The following NADSYN1 variants were observed in gnomAD, a reference collection of about 807,000 sequenced individuals.
NADSYN1 encodes the protein glutamine-dependent NAD(+) synthetase.
Under a neutral mutation model 99.3 loss-of-function variants are expected in NADSYN1, and 80 were observed. The observed-to-expected ratio is 0.81, with a 90% confidence interval of 0.67 to 0.97. The LOEUF (loss-of-function observed/expected upper bound fraction) is 0.97. Among genes scored for constraint, NADSYN1 ranks in the 50% least tolerant of loss-of-function variants. The probability of loss-of-function intolerance (pLI) is 0.00; values close to 1 mark genes in which losing one functional copy is unlikely to be tolerated. For synonymous variants in NADSYN1, 385 were observed against 372.1 expected (o/e 1.03, Z -0.40); for missense variants, 859 against 948.5 (o/e 0.91, Z 1.24).
At chr11:71,487,531 T>C (rs1949750133) in intron 16 of NADSYN1, among the ~76,000 whole-genome samples, 1 of 152,128 alleles carries the variant, frequency 6.6e-6, no homozygotes, top group Non-Finnish European at 1.5e-5. Flanking sequence ...CTAGATGCCA[T>C]TTAGAAAATA....
At chr11:71,500,286 C>T (rs1022443092) in intron 20 of NADSYN1, among the ~76,000 whole-genome samples, 6 of 152,304 alleles carry the variant, frequency 3.9e-5, no homozygotes, top group Admixed American at 2.6e-4. Context: ...CACAAGATGC[C>T]GCTTTATACC....
rs1949772341 is a variant in NADSYN1 at position 71,490,640 on chromosome 11, G to GTC, written c.1563-202_1563-201dup. Among the ~76,000 whole-genome samples, 8 of 152,276 alleles carry GTC rather than the reference G, an allele frequency of 5.3e-5. No individual in the cohort carries two copies. In the South Asian group the frequency reaches 1.7e-3, roughly 32 times the overall value. On this transcript the variant is annotated intron_variant, in intron 16 of 20. Transcript: ENST00000319023. The stretch of plus-strand genomic sequence containing the variant: ...CCGAAATCTGCCTGCCATCCCCGGC[G>GTC]TCTCCTCTGGTGCACTCAAAGGCCC...
chr11:71,454,874 A>C (rs554504940), intron 1 of NADSYN1, among the ~76,000 whole-genome samples: 31 of 148,904 alleles, frequency 2.1e-4, no homozygotes, highest in Admixed American at 1.8e-3. Flanking sequence ...GGTATATGCA[A>C]GTATAAGCAG....
chr11:71,477,966 A>T (rs1430650165), intron 9 of NADSYN1, among the ~76,000 whole-genome samples: 2 of 152,064 alleles, frequency 1.3e-5, no homozygotes, highest in African/African-American at 2.4e-5. Context: ...TGTCTTTTTG[A>T]TGAGAGGGGT....
At chr11:71,458,736 G>A (rs2120396580) in intron 3 of NADSYN1, 192 bp downstream of exon 3, 1 of 555,146 alleles carries the variant, frequency 1.8e-6, no homozygotes, top group East Asian at 3.0e-5. Flanking sequence ...CTGCAAGGAG[G>A]GAGCTCCTGA....
At chr11:71,478,567 C>A in intron 10 of NADSYN1, 98 bp downstream of exon 10, 1 of 1,113,534 alleles carries the variant, frequency 9.0e-7, no homozygotes, top group Non-Finnish European at 1.3e-6. Flanking sequence ...GGGTGCAGTG[C>A]CTGAAAAGTC....
intron 5 of NADSYN1, among the ~76,000 whole-genome samples, chr11:71,466,359 G>C (rs1354431649): frequency 1.3e-5 from 2 of 152,120 alleles, no homozygotes; most frequent in Admixed American, 1.3e-4. Context: ...CCTGTCCCCT[G>C]TCTCCCAGGC....
chr11:71,482,473 A>C (rs544239594), intron 13 of NADSYN1, among the ~76,000 whole-genome samples: 2 of 150,646 alleles, frequency 1.3e-5, no homozygotes, highest in African/African-American at 4.9e-5. Flanking sequence ...CCGTACGGGC[A>C]CCTGAGGGCT....
chr11:71,457,265 A>C (rs921910947), intron 2 of NADSYN1, among the ~76,000 whole-genome samples: 1 of 152,264 alleles, frequency 6.6e-6, no homozygotes, highest in African/African-American at 2.4e-5. Context: ...TGCCTTTTCT[A>C]TCTGAGAACT....
intron 6 of NADSYN1, 99 bp downstream of exon 6, chr11:71,472,599 T>C (rs2282619): frequency 0.9 from 1,034,732 of 1,143,520 alleles, 472,704 homozygotes; most frequent in Non-Finnish European, 0.95. Flanking sequence ...ATCCAGGTAA[T>C]GGAAGGCACC....
chr11:71,454,991 A>G (rs1949503488), intron 1 of NADSYN1, 119 bp from the exon 2 acceptor site: 2 of 704,240 alleles, frequency 2.8e-6, no homozygotes, highest in African/African-American at 2.0e-5. Context: ...GGCACAGAGC[A>G]TTTTTGTTTG....
At chr11:71,485,985 G>A (rs1387335786) in intron 16 of NADSYN1, among the ~76,000 whole-genome samples, 1 of 152,134 alleles carries the variant, frequency 6.6e-6, no homozygotes, top group Non-Finnish European at 1.5e-5. Context: ...TTTGCAGCTA[G>A]TTTTTACCTC....
At chr11:71,456,775 G>A (rs999761673) in intron 2 of NADSYN1, among the ~76,000 whole-genome samples, 4 of 152,212 alleles carry the variant, frequency 2.6e-5, no homozygotes, top group Admixed American at 1.3e-4. Flanking sequence ...AGGTCTCCAA[G>A]TAGCTTACAA....
rs577728798 is a variant in NADSYN1 at position 71,493,974 on chromosome 11, A to C, written c.1764+2071A>C. On this transcript the variant is annotated intron_variant, in intron 18 of 20. Transcript: ENST00000319023. Reference sequence around the variant, plus strand: ...TGGTGAAACCCTGTCTCTACCAAAAAAATACAAACAACAAAACAAACAAAA... The same window carrying C: ...TGGTGAAACCCTGTCTCTACCAAAACAATACAAACAACAAAACAAACAAAA... Among the ~76,000 whole-genome samples the C allele has an allele frequency of 3.3e-5, 5 of 152,376 alleles. No individual in the cohort carries two copies. In the South Asian group the frequency reaches 6.2e-4, roughly 19 times the overall value.
intron 9 of NADSYN1, chr11:71,477,097 C>T: frequency 1.7e-5 from 19 of 1,119,642 alleles, no homozygotes; most frequent in Non-Finnish European, 2.1e-5. Context: ...TCAGAGTCAC[C>T]CCTTCTGCCT....
intron 18 of NADSYN1, among the ~76,000 whole-genome samples, chr11:71,492,216 G>A (rs1335628478): frequency 1.3e-5 from 2 of 152,186 alleles, no homozygotes; most frequent in African/African-American, 4.8e-5. Flanking sequence ...AGCGATGTAG[G>A]AGGAGAATTG....
chr11:71,473,516 G>A (rs1200362039), intron 7 of NADSYN1, 53 bp from the exon 8 acceptor site: 6 of 1,559,176 alleles, frequency 3.8e-6, no homozygotes, highest in Non-Finnish European at 5.3e-6. Flanking sequence ...TGCCAGGGAG[G>A]CTGGTTTGGA....
chr11:71,497,500 A>T lies in NADSYN1; in HGVS notation c.1782A>T (p.Thr594=). The T allele has an allele frequency of 1.2e-6, 2 of 1,614,186 alleles. No individual in the cohort carries two copies. Among genetic ancestry groups the T allele is most frequent in the Non-Finnish European group, 1.7e-6 (2 of 1,180,034 alleles). Residue 594 remains threonine (T), a synonymous_variant, in exon 19 of 21, where the codon ACA becomes ACT. Coordinates refer to ENST00000319023, the MANE Select transcript of NADSYN1 (RefSeq NM_018161.5). ...GTGCACAGGAAGATATGGGGATGAC[A>T]TATGCGGAGCTCTCGGTCTATGGGA... ...SQTDEEDMGM[T]YAELSVYGKL...
At chr11:71,488,706 T>G (rs1565605964) in intron 16 of NADSYN1, among the ~76,000 whole-genome samples, 1 of 152,094 alleles carries the variant, frequency 6.6e-6, no homozygotes, top group Non-Finnish European at 1.5e-5. Flanking sequence ...TGGAGTGCAG[T>G]GGCACCGTCA....
Sources: allele counts gnomAD v4.1 joint callset (sites outside exome capture counted in the v4.1 genomes callset), GRCh38; gene constraint gnomAD v4.1.1; transcripts MANE v1.5; gene names NCBI Gene and HGNC (gene_info 2026-07-23, HGNC 2026-07-21).